The following INTS6 variants were observed in gnomAD, a reference collection of about 807,000 sequenced individuals.
INTS6 encodes the protein DEAD box protein.
Under a neutral mutation model 104.9 loss-of-function variants are expected in INTS6, and 16 were observed. The observed-to-expected ratio is 0.15, with a 90% CI of 0.10 to 0.23. INTS6 has a LOEUF of 0.23. INTS6 is among the 10% of genes least tolerant of loss of function. The probability of loss-of-function intolerance (pLI) is 1.00; values close to 1 mark genes in which losing one functional copy is unlikely to be tolerated. For synonymous variants in INTS6, 324 were observed against 358.7 expected (o/e 0.90, Z 1.09); for missense variants, 584 against 1,062.8 (o/e 0.55, Z 6.26).
At chr13:51,344,233 C>T in the INTS6 span, 4 of 1,598,252 alleles carry the variant, frequency 2.5e-6, no homozygotes, top group South Asian at 3.3e-5. Context: ...GTCAACTTAT[C>T]CCAACTTGTT....
chr13:51,390,875 A>T (rs1956235168), intron 5 of INTS6, among the ~76,000 whole-genome samples: 1 of 152,054 alleles, frequency 6.6e-6, no homozygotes, highest in African/African-American at 2.4e-5. Context: ...AATTTCTTTA[A>T]TCTCAGCAAC....
downstream of INTS6, among the ~76,000 whole-genome samples, chr13:51,357,459 CCAAG>C (rs1180398838): frequency 2.0e-5 from 3 of 152,124 alleles, no homozygotes; most frequent in Non-Finnish European, 2.9e-5. Context: ...CGAGGGATTA[CCAAG>C]CAGTTTTGTA....
chr13:51,428,120 T>G (rs2138090785), intron 4 of INTS6, among the ~76,000 whole-genome samples: 2 of 152,258 alleles, frequency 1.3e-5, no homozygotes, highest in Admixed American at 1.3e-4. Flanking sequence ...GCACCTCAAA[T>G]GCATCACCTC....
chr13:51,342,128 T>C, the INTS6 span, among the ~76,000 whole-genome samples: 1 of 145,880 alleles, frequency 6.9e-6, no homozygotes, highest in Admixed American at 7.0e-5. Flanking sequence ...CTCACACACA[T>C]TAACATTTTT....
At chr13:51,412,753 T>A (rs1956710648) in intron 4 of INTS6, among the ~76,000 whole-genome samples, 1 of 152,228 alleles carries the variant, frequency 6.6e-6, no homozygotes, top group Admixed American at 6.5e-5. Flanking sequence ...CATACCAGTA[T>A]ATCCACATTG....
intron 7 of INTS6, 140 bp downstream of exon 7, chr13:51,387,246 G>A: frequency 1.6e-6 from 1 of 619,002 alleles, no homozygotes; most frequent in Non-Finnish European, 2.5e-6. Flanking sequence ...ACATAATAAA[G>A]CAAGTAACAG....
intron 4 of INTS6, among the ~76,000 whole-genome samples, chr13:51,426,178 G>C (rs1186690587): frequency 6.6e-6 from 1 of 152,008 alleles, no homozygotes; most frequent in Non-Finnish European, 1.5e-5. Flanking sequence ...CATTCATAAT[G>C]TATCTATTAC....
At chr13:51,379,370 A>G (rs1956002409) in intron 11 of INTS6, 92 bp downstream of exon 11, 1 of 546,780 alleles carries the variant, frequency 1.8e-6, no homozygotes, top group Non-Finnish European at 3.2e-6. Flanking sequence ...GAATTCCATT[A>G]GAACCATCAA....
At chr13:51,360,818 T>A (rs892952618), downstream of INTS6, among the ~76,000 whole-genome samples, 2 of 151,960 alleles carry the variant, frequency 1.3e-5, no homozygotes, top group African/African-American at 4.8e-5. Context: ...TAAAGTGCAG[T>A]CCAAAAAGGC....
In INTS6 at chr13:51,452,377, C is replaced by A; in HGVS notation, c.111+38G>T. On this transcript the variant is annotated intron_variant, in intron 1 of 17. Coordinates refer to ENST00000311234, the MANE Select transcript of INTS6 (RefSeq NM_012141.3). This position sits in a 1 kb window ranked among gnomAD's most constrained non-coding sequence, Gnocchi z 4.2. ...CCCCACCCTGCCGCCCGCGGGCCGC[C>A]GGGCCGGGGTCGCCGCCCGGGCTCG... is the stretch of plus-strand genomic sequence containing the variant. The A allele has an allele frequency of 2.0e-6, 3 of 1,506,914 alleles. No homozygotes were observed. Among genetic ancestry groups the A allele is most frequent in the Non-Finnish European group, 2.7e-6 (3 of 1,126,718 alleles). 93.3% of individuals were successfully genotyped at this position (1,506,914 alleles called of 1,614,324 possible).
chr13:51,374,556 C>T (rs1955878987), intron 14 of INTS6, 98 bp downstream of exon 14: 1 of 1,525,300 alleles, frequency 6.6e-7, no homozygotes. Flanking sequence ...GATACTCTAC[C>T]AGGAAAATAG....
chr13:51,422,443 C>A (rs1448840871), intron 4 of INTS6, among the ~76,000 whole-genome samples: 4 of 152,146 alleles, frequency 2.6e-5, no homozygotes, highest in Non-Finnish European at 5.9e-5. Context: ...ACCCTAGGTT[C>A]AGGGCTCCTG....
chr13:51,360,854 T>C (rs1477863868), downstream of INTS6, among the ~76,000 whole-genome samples: 1 of 151,978 alleles, frequency 6.6e-6, no homozygotes, highest in Non-Finnish European at 1.5e-5. Flanking sequence ...TCTCTGAAGC[T>C]TGGTGAAAAT....
intron 3 of INTS6, chr13:51,450,369 C>T: frequency 4.1e-6 from 4 of 985,298 alleles, no homozygotes; most frequent in Non-Finnish European, 4.8e-6. Context: ...AATAAAAGGA[C>T]TTGTGGGGGT....
intron 3 of INTS6, chr13:51,445,286 T>G (rs1314161347): frequency 6.6e-6 from 1 of 152,352 alleles, no homozygotes; most frequent in South Asian, 2.1e-4. Flanking sequence ...GGCCAAGTTA[T>G]ATTAATTTTC....
chr13:51,354,866 A>G (rs1282413290), intron 3 of INTS6, among the ~76,000 whole-genome samples: 1 of 152,218 alleles, frequency 6.6e-6, no homozygotes, highest in Non-Finnish European at 1.5e-5. Flanking sequence ...GAGGTGGGGA[A>G]GAGCCCTGTG....
At chr13:51,349,406 T>G (rs931939072), downstream of INTS6, among the ~76,000 whole-genome samples, 2 of 152,264 alleles carry the variant, frequency 1.3e-5, no homozygotes, top group Non-Finnish European at 2.9e-5. Context: ...AACTAAATAT[T>G]TGGACCCCAA....
intron 3 of INTS6, chr13:51,354,954 C>T: frequency 3.0e-6 from 2 of 673,924 alleles, no homozygotes; most frequent in South Asian, 3.8e-5. Context: ...GCCTGACTTC[C>T]AAGTTAGGGA....
the INTS6 span, among the ~76,000 whole-genome samples, chr13:51,340,377 T>C: frequency 6.6e-6 from 1 of 152,238 alleles, no homozygotes. Context: ...GAAAATATTC[T>C]TTTTTAGAGA....
Sources: allele counts gnomAD v4.1 joint callset (sites outside exome capture counted in the v4.1 genomes callset), GRCh38; gene constraint gnomAD v4.1.1; non-coding constraint Gnocchi (gnomAD v3.1); transcripts MANE v1.5; gene names NCBI Gene and HGNC (gene_info 2026-07-23, HGNC 2026-07-21).